ATP10D: variants seen among roughly 807,000 people sequenced by gnomAD.
ATP10D encodes phospholipid-transporting ATPase VD.
Under a neutral mutation model 144.8 loss-of-function variants are expected in ATP10D, and 89 were observed. The ratio of observed to expected loss-of-function variants is 0.61; its 90% CI spans 0.52 to 0.73. ATP10D has a LOEUF of 0.73. Ranked by LOEUF, ATP10D falls within the 30% of genes least tolerant of loss-of-function variation. ATP10D has a pLI of 0.00. For synonymous variants in ATP10D, 571 were observed against 615.1 expected, an observed-to-expected ratio of 0.93 and a Z score of 1.06; for missense variants, 1,603 against 1,714.8, an observed-to-expected ratio of 0.93 and a Z score of 1.15.
At chr4:47,502,484 A>G (rs1182277574) in intron 1 of ATP10D, among the ~76,000 whole-genome samples, 1 of 149,582 alleles carries the variant, frequency 6.7e-6, no homozygotes, top group East Asian at 1.9e-4. Flanking sequence ...AAAAAAAAAA[A>G]TCTGAAGTGT....
rs75615822 is a variant in ATP10D, at chr4:47,580,221, T to A, written c.3568-177T>A. 0.012 allele frequency among the ~76,000 whole-genome samples: 1,797 copies of A among 152,340 alleles called. 27 individuals carry two copies. Among genetic ancestry groups the A allele is most frequent in the African/African-American group, 0.04 (1,669 of 41,582 alleles). ...GTTCCTTCAAGGATTTTTTTCATCATGTTTACTTGTGAACCCATCACATTC... is the reference window on the plus strand; with the variant it reads ...GTTCCTTCAAGGATTTTTTTCATCAAGTTTACTTGTGAACCCATCACATTC... On this transcript the variant is annotated intron_variant, in intron 19 of 22. Transcript: ENST00000273859.
rs370605939 is a variant in ATP10D, at chr4:47,535,567, T to A, written c.835T>A (p.Cys279Ser). The change falls in exon 6 of 23, where the codon TGC becomes AGC. Residue 279 changes from cysteine (C) to serine (S), a missense_variant. Physicochemically the swap from Cys to Ser is moderately radical, Grantham distance 112. Coordinates refer to ENST00000273859, the MANE Select transcript of ATP10D (RefSeq NM_020453.4). ...LSKENLLLRG[C>S]TIRNTEAVVG... ...TAAAGAAAATTTGTTGCTTAGAGGA[T>A]GCACCATTAGAAACACAGAGGCTGT... The A allele has an allele frequency of 1.1e-5, 17 of 1,613,170 alleles. No homozygotes were observed. Among genetic ancestry groups the A allele is most frequent in the Non-Finnish European group, 1.4e-5 (16 of 1,179,530 alleles).
At chr4:47,531,851 C>T (rs1013584941) in intron 5 of ATP10D, among the ~76,000 whole-genome samples, 3 of 152,178 alleles carry the variant, frequency 2.0e-5, no homozygotes, top group African/African-American at 7.2e-5. Flanking sequence ...CCCTGATGAG[C>T]TCAGACTTGC....
chr4:47,531,432 C>T (rs1184282755), intron 5 of ATP10D, among the ~76,000 whole-genome samples: 1 of 152,142 alleles, frequency 6.6e-6, no homozygotes, highest in Non-Finnish European at 1.5e-5. Context: ...CCCAAGACTA[C>T]AGTGTATTTG....
rs1296098441 is a variant in ATP10D at position 47,591,440 on chromosome 4, T to C, written c.*59T>C. On this transcript the variant is annotated 3_prime_UTR_variant, in exon 23 of 23. Transcript: ENST00000273859. ...GGTTGGAAGAGGGATTTTGAAGAGG[T>C]ATCTCTCCAAGCAAGAATGACTTGT... 4 of 1,409,338 alleles carry C rather than the reference T, an allele frequency of 2.8e-6. No individual in the cohort carries two copies. The highest frequency in any genetic ancestry group is 2.9e-5 in the African/African-American group (2 of 69,562). 87.3% of individuals were successfully genotyped at this position (1,409,338 alleles called of 1,614,324 possible).
chr4:47,515,803 CTAA>C (rs1435347283), intron 3 of ATP10D, 133 bp downstream of exon 3: 9 of 690,812 alleles, frequency 1.3e-5, no homozygotes, highest in Non-Finnish European at 2.1e-5. Context: ...TTGTTTTCAA[CTAA>C]TATTTCGTAA....
At chr4:47,507,413 A>G (rs541678936) in intron 1 of ATP10D, among the ~76,000 whole-genome samples, 2 of 152,306 alleles carry the variant, frequency 1.3e-5, no homozygotes, top group African/African-American at 2.4e-5. Flanking sequence ...GGTTTTAGAA[A>G]TACACTAGAA....
rs757594467 is a variant in ATP10D at position 47,535,990 on chromosome 4, G to C, written c.972G>C (p.Trp324Cys). The change falls in exon 7 of 23, where the codon TGG becomes TGC. Residue 324 changes from tryptophan to cysteine, a missense_variant. Transcript: ENST00000273859. ...LERRANTDVL[W>C]CVMLLVIMCL... ...GAAGAGCAAACACAGATGTCCTCTGGTGTGTCATGCTTCTGGTCATAATGT... is the reference window on the plus strand; with the variant it reads ...GAAGAGCAAACACAGATGTCCTCTGCTGTGTCATGCTTCTGGTCATAATGT... 1 of 1,612,922 alleles carries C rather than the reference G, an allele frequency of 6.2e-7. No homozygotes were observed. The highest frequency in any genetic ancestry group is 1.7e-5 in the Admixed American group (1 of 59,928).
chr4:47,535,689 A>C, intron 6 of ATP10D, 74 bp downstream of exon 6: 1 of 1,485,508 alleles, frequency 6.7e-7, no homozygotes, highest in Non-Finnish European at 9.1e-7. Flanking sequence ...TTACTCAAAA[A>C]TGCAATCTGT....
chr4:47,495,047 C>T (rs1200748277), intron 1 of ATP10D, among the ~76,000 whole-genome samples: 1 of 152,150 alleles, frequency 6.6e-6, no homozygotes, highest in Non-Finnish European at 1.5e-5. Flanking sequence ...AAACTGAATG[C>T]TTTAATTAAT....
chr4:47,589,322 G>T (rs1278520698), intron 22 of ATP10D, among the ~76,000 whole-genome samples: 1 of 152,156 alleles, frequency 6.6e-6, no homozygotes, highest in Non-Finnish European at 1.5e-5. Context: ...TAATAACGTG[G>T]TATAGCAGTC....
chr4:47,563,685 G>C lies in ATP10D; in HGVS notation c.2773G>C (p.Glu925Gln), dbSNP rs914530009. 2 of 1,613,964 alleles carry C rather than the reference G, an allele frequency of 1.2e-6. No homozygotes were observed. The highest frequency in any genetic ancestry group is 1.7e-6 in the Non-Finnish European group (2 of 1,179,954). The change falls in exon 15 of 23, where the codon GAG becomes CAG. Residue 925 changes from glutamate (E) to glutamine (Q), a missense_variant. Physicochemically the swap from Glu to Gln is conservative, Grantham distance 29. Coordinates refer to ENST00000273859, the MANE Select transcript of ATP10D (RefSeq NM_020453.4). ...CTGGATGCTGACAGGGGACAAGCAG[G>C]AGACAGCTGTCAACATAGCTTATGC... ...KIWMLTGDKQ[E>Q]TAVNIAYACK...
At chr4:47,576,015 T>A (rs546703927) in intron 18 of ATP10D, among the ~76,000 whole-genome samples, 1 of 136,076 alleles carries the variant, frequency 7.3e-6, no homozygotes, top group Non-Finnish European at 1.5e-5. Context: ...CACTGCAAGC[T>A]CCGCCTCCCG....
chr4:47,578,190 G>A (rs1720331419), intron 19 of ATP10D: 1 of 152,170 alleles, frequency 6.6e-6, no homozygotes, highest in Non-Finnish European at 1.5e-5. Context: ...TGATTTCATT[G>A]ACTTTACCTT....
At chr4:47,503,600 AG>A (rs1715834659) in intron 1 of ATP10D, among the ~76,000 whole-genome samples, 1 of 152,186 alleles carries the variant, frequency 6.6e-6, no homozygotes, top group Admixed American at 6.5e-5. Flanking sequence ...AGTTATCAAA[AG>A]TAATTTCTTA....
chr4:47,530,602 C>A (rs188448177), intron 5 of ATP10D, among the ~76,000 whole-genome samples: 1 of 152,004 alleles, frequency 6.6e-6, no homozygotes, highest in Non-Finnish European at 1.5e-5. Context: ...ATTATAGACA[C>A]GTGCCACCAT....
chr4:47,585,071 C>T (rs1170490871), intron 21 of ATP10D, among the ~76,000 whole-genome samples: 1 of 152,154 alleles, frequency 6.6e-6, no homozygotes, highest in Non-Finnish European at 1.5e-5. Context: ...CACTAAATAA[C>T]ACTAAATACT....
At chr4:47,498,615 C>G (rs975445965) in intron 1 of ATP10D, among the ~76,000 whole-genome samples, 9 of 152,212 alleles carry the variant, frequency 5.9e-5, no homozygotes, top group African/African-American at 1.9e-4. Context: ...GTCCCTTATT[C>G]TCTTAAGATG....
intron 21 of ATP10D, 108 bp downstream of exon 21, chr4:47,582,172 A>C (rs957613988): frequency 1.1e-6 from 1 of 890,334 alleles, no homozygotes; most frequent in East Asian, 2.5e-5. Flanking sequence ...AGAGTAATGA[A>C]TCTATGGGAG....
Sources: gnomAD v4.1 joint callset for allele counts (sites outside exome capture counted in the v4.1 genomes callset) on GRCh38, gnomAD v4.1.1 for gene constraint, MANE v1.5 for transcripts, NCBI Gene and HGNC (gene_info 2026-07-23, HGNC 2026-07-21) for gene names.